The following NRDC variants were observed in gnomAD, a reference collection of about 807,000 sequenced individuals.
NRDC encodes nardilysin.
NRDC carries 54 observed loss-of-function variants against 147.1 expected under a neutral mutation model. That is an observed-to-expected ratio of 0.37 (90% CI 0.29 to 0.46). The LOEUF (loss-of-function observed/expected upper bound fraction) is 0.46, where lower values mean the gene tolerates loss of function less well. Among genes scored for constraint, NRDC ranks in the 20% least tolerant of loss-of-function variants. NRDC has a pLI of 1.00. For synonymous variants in NRDC, 440 were observed against 482.1 expected (o/e 0.91, Z 1.14); for missense variants, 1,082 against 1,370.6 (o/e 0.79, Z 3.33).
chr1:51,814,642 T>C, intron 12 of NRDC, 33 bp from the exon 13 acceptor site: 2 of 1,609,140 alleles, frequency 1.2e-6, no homozygotes, highest in Non-Finnish European at 1.7e-6. Context: ...GTCTTTTGCA[T>C]AAAGTGATAT....
intron 21 of NRDC, among the ~76,000 whole-genome samples, chr1:51,799,851 T>C (rs66559872): frequency 0.041 from 6,310 of 152,322 alleles, 157 homozygotes; most frequent in Middle Eastern, 0.061. Context: ...TCTGCTCTCT[T>C]CTGGAAGCTT....
chr1:51,800,077 C>T (rs1679121866), intron 21 of NRDC, among the ~76,000 whole-genome samples: 1 of 152,182 alleles, frequency 6.6e-6, no homozygotes, highest in African/African-American at 2.4e-5. Context: ...TGGGCTCAAG[C>T]AATCCTCCCA....
chr1:51,837,467 T>A (rs1308596542), intron 2 of NRDC: 8 of 1,544,524 alleles, frequency 5.2e-6, no homozygotes, highest in Non-Finnish European at 7.1e-6. Flanking sequence ...TGTTCTGTGA[T>A]GTTTTAATAG....
At chr1:51,813,548 G>A (rs945140682) in intron 14 of NRDC, among the ~76,000 whole-genome samples, 1 of 152,020 alleles carries the variant, frequency 6.6e-6, no homozygotes, top group Non-Finnish European at 1.5e-5. Flanking sequence ...CTGCCTGCTC[G>A]ACCTCCCAAA....
chr1:51,847,818 G>C lies in NRDC; in HGVS notation c.342-7304C>G, dbSNP rs1221699723. Among the ~76,000 whole-genome samples the C allele has an allele frequency of 3.9e-5, 6 of 152,374 alleles. No homozygotes were observed. In the South Asian group the frequency reaches 8.3e-4, roughly 21 times the overall value. ...GCCATCCCAGGAACGGGCTCCCACA[G>C]TGCAGCGGCGGCCTGAAGAGCCCCT... On this transcript the variant is annotated intron_variant, in intron 1 of 30. Transcript: ENST00000352171.
chr1:51,800,407 C>T (rs1679137352), intron 21 of NRDC, 149 bp downstream of exon 21: 2 of 808,458 alleles, frequency 2.5e-6, no homozygotes, highest in South Asian at 2.0e-5. Flanking sequence ...AATACCGTAA[C>T]GCTATGCACG....
intron 20 of NRDC, 51 bp from the exon 21 acceptor site, chr1:51,800,734 A>T (rs1341988272): frequency 6.4e-7 from 1 of 1,572,104 alleles, no homozygotes; most frequent in East Asian, 2.3e-5. Flanking sequence ...TCCACTAGGT[A>T]TTAGGGAGGG....
intron 20 of NRDC, among the ~76,000 whole-genome samples, chr1:51,801,682 C>G (rs1679209943): frequency 6.6e-6 from 1 of 152,162 alleles, no homozygotes; most frequent in African/African-American, 2.4e-5. Context: ...AAAACAATAA[C>G]AGAATAATAG....
At chr1:51,870,126 CTCATACAT>C (rs916691857) in intron 1 of NRDC, among the ~76,000 whole-genome samples, 27 of 152,332 alleles carry the variant, frequency 1.8e-4, no homozygotes, top group African/African-American at 5.5e-4. Context: ...CATGTAAGCA[CTCATACAT>C]TCATACATTC....
rs1251446433 is a variant in NRDC, at chr1:51,827,827, T to A, written c.909A>T (p.Ala303=). ...CAACAGCTTCAACTTCACGGTCAAT[T>A]GCATCTCTGATCATTAGTGGGTGGA... ...FFIHPLMIRD[A]IDREVEAVDS... Residue 303 remains alanine, a synonymous_variant, in exon 5 of 31, where the codon GCA becomes GCT. Transcript: ENST00000352171. 1 of 1,613,804 alleles carries A rather than the reference T, an allele frequency of 6.2e-7. No homozygotes were observed. Among genetic ancestry groups the A allele is most frequent in the Non-Finnish European group, 8.5e-7 (1 of 1,179,884 alleles).
At chr1:51,852,012 G>C (rs572698031) in intron 1 of NRDC, among the ~76,000 whole-genome samples, 1 of 152,286 alleles carries the variant, frequency 6.6e-6, no homozygotes, top group South Asian at 2.1e-4. Flanking sequence ...CATCTGTGAG[G>C]GGGGCAGCCT....
At chr1:51,818,297 G>T (rs1466944404) in intron 9 of NRDC, among the ~76,000 whole-genome samples, 162 bp from the exon 10 acceptor site, 1 of 152,170 alleles carries the variant, frequency 6.6e-6, no homozygotes, top group African/African-American at 2.4e-5. Context: ...CTCGAATAAT[G>T]CAATTTTTGT....
At chr1:51,850,048 G>A (rs577460660) in intron 1 of NRDC, among the ~76,000 whole-genome samples, 11 of 151,832 alleles carry the variant, frequency 7.2e-5, no homozygotes, top group African/African-American at 2.7e-4. Flanking sequence ...TTGGTGGTGC[G>A]TGCCTGTAAT....
chr1:51,857,736 A>G (rs1489029108), intron 1 of NRDC, among the ~76,000 whole-genome samples: 1 of 152,344 alleles, frequency 6.6e-6, no homozygotes, highest in Admixed American at 6.5e-5. Flanking sequence ...TTCAGTTAAG[A>G]GGCTGCAGAT....
chr1:51,789,259 G>A lies in NRDC; in HGVS notation c.3433C>T (p.Pro1145Ser). 1 of 1,614,122 alleles carries A rather than the reference G, an allele frequency of 6.2e-7. No homozygotes were observed. The highest frequency in any genetic ancestry group is 8.5e-7 in the Non-Finnish European group (1 of 1,179,964). ...RAFTTTLNLL[P>S]YHKIVK ...ATTTATTTGACTATTTTATGGTAGG[G>A]GAGAAGGTTGAGTGTTGTTGTGAAA... Residue 1145 changes from proline (P) to serine (S), a missense_variant, in exon 31 of 31, where the codon CCC becomes TCC. Coordinates refer to ENST00000352171, the MANE Select transcript of NRDC (RefSeq NM_001101662.2).
intron 22 of NRDC, chr1:51,795,114 A>G: frequency 7.0e-7 from 1 of 1,425,108 alleles, no homozygotes; most frequent in Non-Finnish European, 9.3e-7. Context: ...AACTGGATCA[A>G]ACTTAATTGT....
At chr1:51,800,831 TGTTC>T in intron 20 of NRDC, 148 bp from the exon 21 acceptor site, 2 of 729,908 alleles carry the variant, frequency 2.7e-6, no homozygotes, top group South Asian at 2.0e-5. Flanking sequence ...CAACTCAATT[TGTTC>T]GTTTGTTTGT....
At chr1:51,852,874 G>A (rs552792849) in intron 1 of NRDC, among the ~76,000 whole-genome samples, 1 of 152,138 alleles carries the variant, frequency 6.6e-6, no homozygotes, top group African/African-American at 2.4e-5. Flanking sequence ...ATAGAACAAT[G>A]ATACTCAAGT....
chr1:51,797,771 CTTTA>C (rs974110318), intron 22 of NRDC, among the ~76,000 whole-genome samples: 2 of 152,060 alleles, frequency 1.3e-5, no homozygotes, highest in African/African-American at 4.8e-5. Flanking sequence ...CTCTCTCTTT[CTTTA>C]TTTCTTTTCT....
Sources: allele counts gnomAD v4.1 joint callset (sites outside exome capture counted in the v4.1 genomes callset), GRCh38; gene constraint gnomAD v4.1.1; transcripts MANE v1.5; gene names NCBI Gene and HGNC (gene_info 2026-07-23, HGNC 2026-07-21).